Variants in KIAA1217 observed in about 807,000 individuals in gnomAD.
KIAA1217 encodes KIAA1217.
KIAA1217 carries 88 observed loss-of-function variants against 163.9 expected under a neutral mutation model. The ratio of observed to expected loss-of-function variants is 0.54; its 90% CI spans 0.45 to 0.64. The LOEUF (loss-of-function observed/expected upper bound fraction) is 0.64, where lower values mean the gene tolerates loss of function less well. Ranked by LOEUF, KIAA1217 falls within the 30% of genes least tolerant of loss-of-function variation. The pLI is 0.00. For missense variants in KIAA1217, 2,372 were observed against 2,475.0 expected, an observed-to-expected ratio of 0.96 and a Z score of 0.88; for synonymous variants, 903 against 923.1, an observed-to-expected ratio of 0.98 and a Z score of 0.39.
intron 2 of KIAA1217, among the ~76,000 whole-genome samples, chr10:24,128,988 G>A (rs147222439): frequency 1.3e-4 from 20 of 152,248 alleles, no homozygotes; most frequent in African/African-American, 4.1e-4. Context: ...AAGTTTAGTC[G>A]GAGTGCATTT....
chr10:24,401,590 T>C (rs968166584), intron 3 of KIAA1217, among the ~76,000 whole-genome samples: 13 of 151,954 alleles, frequency 8.6e-5, no homozygotes, highest in African/African-American at 3.1e-4. Flanking sequence ...GGAATAGAGG[T>C]GAACTTTCTC....
At chr10:23,740,610 T>C (rs1357573732) in intron 1 of KIAA1217, among the ~76,000 whole-genome samples, 3 of 152,154 alleles carry the variant, frequency 2.0e-5, no homozygotes, top group Non-Finnish European at 4.4e-5. Context: ...TCCTCCCATC[T>C]TGGCCTCCCA....
intron 8 of KIAA1217, among the ~76,000 whole-genome samples, chr10:24,499,795 G>T (rs1245119019): frequency 6.6e-6 from 1 of 152,116 alleles, no homozygotes; most frequent in Non-Finnish European, 1.5e-5. Flanking sequence ...GAGCTCCATT[G>T]TCAGTTCTTT....
intron 5 of KIAA1217, among the ~76,000 whole-genome samples, chr10:24,448,250 G>T (rs1041235200): frequency 6.6e-6 from 1 of 151,756 alleles, no homozygotes; most frequent in Non-Finnish European, 1.5e-5. Context: ...TTTGCGTGGG[G>T]GGGGCTGGAG....
intron 2 of KIAA1217, among the ~76,000 whole-genome samples, chr10:24,193,291 C>G (rs909420458): frequency 1.3e-5 from 2 of 152,180 alleles, no homozygotes; most frequent in Non-Finnish European, 2.9e-5. Flanking sequence ...AGATACAAAT[C>G]TTATAACTCT....
At chr10:24,445,890 A>T (rs1236541017) in intron 5 of KIAA1217, among the ~76,000 whole-genome samples, 3 of 152,126 alleles carry the variant, frequency 2.0e-5, no homozygotes, top group African/African-American at 7.2e-5. Context: ...CTTTGGGTAT[A>T]TACCCAGTAA....
At chr10:24,023,358 A>G (rs184781019) in intron 2 of KIAA1217, among the ~76,000 whole-genome samples, 1 of 151,786 alleles carries the variant, frequency 6.6e-6, no homozygotes, top group African/African-American at 2.4e-5. Flanking sequence ...TATAATATAT[A>G]TAACCTATAA....
chr10:24,382,437 C>T (rs2053434783), intron 3 of KIAA1217, among the ~76,000 whole-genome samples: 1 of 151,764 alleles, frequency 6.6e-6, no homozygotes, highest in South Asian at 2.1e-4. Flanking sequence ...TAAAAAAAAA[C>T]CCTACAACTT....
intron 2 of KIAA1217, among the ~76,000 whole-genome samples, chr10:24,043,659 T>G (rs1848781755): frequency 6.6e-6 from 1 of 152,116 alleles, no homozygotes; most frequent in South Asian, 2.1e-4. Context: ...AAAGAAAAAC[T>G]TTCTTTTCTG....
At chr10:24,540,525 C>G (rs2074871304) in intron 17 of KIAA1217, among the ~76,000 whole-genome samples, 1 of 152,136 alleles carries the variant, frequency 6.6e-6, no homozygotes, top group South Asian at 2.1e-4. Flanking sequence ...AGCCACCATG[C>G]CTGGCCTGAA....
chr10:23,866,718 T>G (rs953183689), intron 1 of KIAA1217, among the ~76,000 whole-genome samples: 1 of 152,068 alleles, frequency 6.6e-6, no homozygotes, highest in African/African-American at 2.4e-5. Context: ...CAGCACTGTT[T>G]CGAGACCTTT....
At chr10:24,190,668 A>AG (rs1421178193) in intron 2 of KIAA1217, among the ~76,000 whole-genome samples, 1 of 152,108 alleles carries the variant, frequency 6.6e-6, no homozygotes, top group African/African-American at 2.4e-5. Context: ...CGAGCCATGG[A>AG]GGATATCCTG....
At chr10:24,106,222 G>A (rs1023226792) in intron 2 of KIAA1217, among the ~76,000 whole-genome samples, 10 of 152,076 alleles carry the variant, frequency 6.6e-5, no homozygotes, top group Non-Finnish European at 2.9e-5. Flanking sequence ...TGGGACGATG[G>A]CACCTAGAAA....
At chr10:23,748,657 T>A (rs1839559587) in intron 1 of KIAA1217, among the ~76,000 whole-genome samples, 1 of 152,062 alleles carries the variant, frequency 6.6e-6, no homozygotes, top group South Asian at 2.1e-4. Flanking sequence ...GCCTGCAACC[T>A]GTGTTTTCAG....
At chr10:23,790,575 A>T (rs1484590658) in intron 1 of KIAA1217, among the ~76,000 whole-genome samples, 1 of 123,556 alleles carries the variant, frequency 8.1e-6, no homozygotes, top group Non-Finnish European at 1.6e-5. Flanking sequence ...GTATATATAC[A>T]TATGTATATG....
intron 1 of KIAA1217, among the ~76,000 whole-genome samples, chr10:23,811,162 GTATACTATACATA>G (rs1837028396): frequency 7.2e-6 from 1 of 138,756 alleles, no homozygotes; most frequent in South Asian, 2.2e-4. Context: ...TAGTATACAT[GTATACTATACATA>G]TATACTATAC....
At chr10:24,259,633 T>C (rs2075527061) in intron 2 of KIAA1217, among the ~76,000 whole-genome samples, 1 of 152,166 alleles carries the variant, frequency 6.6e-6, no homozygotes, top group South Asian at 2.1e-4. Flanking sequence ...AAAGCAATAC[T>C]TGACGGTGAA....
chr10:24,404,313 A>G (rs2056926176), intron 3 of KIAA1217, among the ~76,000 whole-genome samples: 1 of 152,110 alleles, frequency 6.6e-6, no homozygotes, highest in Non-Finnish European at 1.5e-5. Flanking sequence ...TTATGCCTGT[A>G]ATCTCAGCAC....
chr10:23,720,017 G>A (rs1185902183), intron 1 of KIAA1217, among the ~76,000 whole-genome samples: 2 of 152,020 alleles, frequency 1.3e-5, no homozygotes, highest in African/African-American at 4.8e-5. Flanking sequence ...CAGGGCCTGG[G>A]GAGAAGGGGG....
Sources: allele counts gnomAD v4.1 joint callset (sites outside exome capture counted in the v4.1 genomes callset), GRCh38; gene constraint gnomAD v4.1.1; transcripts MANE v1.5; gene names NCBI Gene and HGNC (gene_info 2026-07-23, HGNC 2026-07-21).